Variants in STK38 observed in about 807,000 individuals in gnomAD.
STK38 encodes serine/threonine kinase 38.
Under a neutral mutation model 59.0 loss-of-function variants are expected in STK38, and 26 were observed. The observed-to-expected ratio is 0.44, with a 90% CI of 0.32 to 0.61. The LOEUF is 0.61. Ranked by LOEUF, STK38 falls within the 20% of genes least tolerant of loss-of-function variation. The probability of loss-of-function intolerance (pLI) is 0.04; values close to 1 mark genes in which losing one functional copy is unlikely to be tolerated. For missense variants in STK38, 433 were observed against 566.0 expected (o/e 0.76, Z 2.38); for synonymous variants, 175 against 176.6 (o/e 0.99, Z 0.07).
intron 7 of STK38, among the ~76,000 whole-genome samples, chr6:36,511,143 C>A (rs567480522): frequency 6.6e-6 from 1 of 152,256 alleles, no homozygotes; most frequent in African/African-American, 2.4e-5. Flanking sequence ...TTCCAGAATA[C>A]CACCTTTCTC....
At chr6:36,520,683 G>C (rs1053755016) in intron 5 of STK38, among the ~76,000 whole-genome samples, 1 of 152,092 alleles carries the variant, frequency 6.6e-6, no homozygotes, top group African/African-American at 2.4e-5. Flanking sequence ...AAAAAGGTTG[G>C]CGTTAGCATA....
intron 7 of STK38, among the ~76,000 whole-genome samples, chr6:36,509,878 G>A (rs188033900): frequency 6.6e-6 from 1 of 152,296 alleles, no homozygotes; most frequent in Admixed American, 6.5e-5. Flanking sequence ...ACCCGGAGTA[G>A]ATAGCTCCTT....
chr6:36,534,099 A>G (rs1457760947), intron 2 of STK38, among the ~76,000 whole-genome samples: 12 of 152,218 alleles, frequency 7.9e-5, no homozygotes, highest in African/African-American at 2.9e-4. Context: ...TAAAGGAGAT[A>G]ATACAATGTC....
chr6:36,495,990 C>G, intron 13 of STK38, 76 bp from the exon 14 acceptor site: 1 of 1,486,010 alleles, frequency 6.7e-7, no homozygotes, highest in Non-Finnish European at 9.2e-7. Flanking sequence ...GAAGACAGGA[C>G]TATGAAGAAC....
intron 2 of STK38, among the ~76,000 whole-genome samples, chr6:36,526,437 CA>C (rs34513084): frequency 6.6e-6 from 1 of 152,064 alleles, no homozygotes. Context: ...AAAAAGTGAT[CA>C]AAAAGGTGAC....
chr6:36,503,428 A>AGT (rs1491166142), intron 9 of STK38, among the ~76,000 whole-genome samples: 1 of 131,146 alleles, frequency 7.6e-6, no homozygotes, highest in African/African-American at 3.4e-5. Context: ...CCATATAGCT[A>AGT]AGTGTGTGTG....
intron 2 of STK38, among the ~76,000 whole-genome samples, chr6:36,530,738 T>C (rs1164954354): frequency 6.7e-6 from 1 of 148,790 alleles, no homozygotes; most frequent in African/African-American, 2.5e-5. Flanking sequence ...TTACCCAGGC[T>C]GGAGTGCATG....
Position 36,496,707 on chromosome 6 carries a change from T to G in STK38, c.1267+4A>C, listed in dbSNP as rs770992296. On this transcript the variant is annotated splice_donor_region_variant and intron_variant, in intron 13 of 13. Transcript: ENST00000229812. The stretch of plus-strand genomic sequence containing the variant: ...GCAGCAGGAGACAATGCTGGTGGTG[T>G]TACCTGTTGGCTTAAGAATATCAGA... 6.2e-7 allele frequency: 1 copy of G among 1,607,834 alleles called. No homozygotes were observed. Among genetic ancestry groups the G allele is most frequent in the Non-Finnish European group, 8.5e-7 (1 of 1,175,026 alleles).
At chr6:36,527,308 GTATA>G (rs1426160887) in intron 2 of STK38, among the ~76,000 whole-genome samples, 1 of 141,414 alleles carries the variant, frequency 7.1e-6, no homozygotes, top group Non-Finnish European at 1.5e-5. Context: ...ATGTATATAC[GTATA>G]TATACACACA....
rs543368892 is a variant in STK38 at position 36,497,470 on chromosome 6, G to A, written c.1172+310C>T. Among the ~76,000 whole-genome samples, 42 of 152,264 alleles carry A rather than the reference G, an allele frequency of 2.8e-4. No individual in the cohort carries two copies. The South Asian group carries it at 8.1e-3, about 29-fold the overall frequency. On this transcript the variant is annotated intron_variant, in intron 12 of 13. Transcript: ENST00000229812. ...CCACCCTGTGGGCAGGAACAGTCCCGCTGGCGGGACCTAAGAGGTTGCTGA... is the reference window on the plus strand; with the variant it reads ...CCACCCTGTGGGCAGGAACAGTCCCACTGGCGGGACCTAAGAGGTTGCTGA...
intron 2 of STK38, among the ~76,000 whole-genome samples, chr6:36,525,977 A>G (rs116093249): frequency 0.027 from 4,126 of 152,152 alleles, 194 homozygotes; most frequent in African/African-American, 0.092. Context: ...CAGCCTCCCA[A>G]GTAGCTAGGA....
intron 1 of STK38, among the ~76,000 whole-genome samples, chr6:36,543,317 A>G (rs1463502836): frequency 2.6e-5 from 4 of 152,048 alleles, no homozygotes; most frequent in African/African-American, 7.2e-5. Context: ...TGCCCATCTC[A>G]GCCTCCCAAA....
chr6:36,543,242 T>G (rs1777982867), intron 1 of STK38, among the ~76,000 whole-genome samples: 1 of 151,744 alleles, frequency 6.6e-6, no homozygotes, highest in South Asian at 2.1e-4. Flanking sequence ...TTTTTTCTAT[T>G]TTTTAGTAGA....
intron 2 of STK38, among the ~76,000 whole-genome samples, chr6:36,527,201 A>ATATATAT (rs1391904486): frequency 4.0e-5 from 5 of 124,482 alleles, no homozygotes; most frequent in African/African-American, 1.3e-4. Context: ...CAAAAAAAAA[A>ATATATAT]AAAAAAATAT....
chr6:36,502,689 A>C (rs2127468427), intron 9 of STK38, among the ~76,000 whole-genome samples: 1 of 152,350 alleles, frequency 6.6e-6, no homozygotes, highest in Non-Finnish European at 1.5e-5. Context: ...TGAAGAACCA[A>C]GGAATACCAA....
chr6:36,509,818 G>A (rs749514441), intron 7 of STK38, among the ~76,000 whole-genome samples: 92 of 152,034 alleles, frequency 6.1e-4, no homozygotes, highest in Non-Finnish European at 1.1e-3. Flanking sequence ...TCGCTCGGTC[G>A]CAGTCTGCAG....
chr6:36,506,190 T>C (rs1388370298), intron 9 of STK38, among the ~76,000 whole-genome samples: 2 of 152,132 alleles, frequency 1.3e-5, no homozygotes, highest in African/African-American at 2.4e-5. Flanking sequence ...CCCGAGTGGA[T>C]CAAAATTTTT....
At chr6:36,525,858 G>C (rs1053615306) in intron 2 of STK38, among the ~76,000 whole-genome samples, 1 of 151,946 alleles carries the variant, frequency 6.6e-6, no homozygotes, top group South Asian at 2.1e-4. Flanking sequence ...GAGGGGGGCA[G>C]GTTGCGAGGA....
At position 36,495,555 on chromosome 6, in the gene STK38, C is replaced by A; in HGVS notation, c.*229G>T. 2 of 445,620 alleles carry A rather than the reference C, an allele frequency of 4.5e-6. No homozygotes were observed. Among genetic ancestry groups the A allele is most frequent in the Non-Finnish European group, 4.0e-6 (1 of 252,480 alleles). 27.6% of individuals were successfully genotyped at this position (445,620 alleles called of 1,614,324 possible). On this transcript the variant is annotated 3_prime_UTR_variant, in exon 14 of 14. Transcript: ENST00000229812. The stretch of plus-strand genomic sequence containing the variant: ...AAATTGGCTCATGATGCTTCTCTTC[C>A]AAAGCAGGATAGCTGTTTATGGCCG...
Sources: allele counts gnomAD v4.1 joint callset (sites outside exome capture counted in the v4.1 genomes callset), GRCh38; gene constraint gnomAD v4.1.1; transcripts MANE v1.5; gene names NCBI Gene and HGNC (gene_info 2026-07-23, HGNC 2026-07-21).